RSF1: variants seen among roughly 807,000 people sequenced by gnomAD.
RSF1 encodes the protein HBV pX-associated protein 8.
RSF1 carries 13 observed loss-of-function variants against 145.2 expected under a neutral mutation model. That is an observed-to-expected ratio of 0.09 (90% CI 0.06 to 0.14). The LOEUF (loss-of-function observed/expected upper bound fraction) is 0.14. Among genes scored for constraint, RSF1 ranks in the 10% least tolerant of loss-of-function variants. The pLI is 1.00. For synonymous variants in RSF1, 577 were observed against 592.6 expected (o/e 0.97, Z 0.38); for missense variants, 1,517 against 1,718.2 (o/e 0.88, Z 2.07).
chr11:77,825,335 G>C (rs1350008046), upstream of RSF1, among the ~76,000 whole-genome samples: 1 of 151,882 alleles, frequency 6.6e-6, no homozygotes, highest in East Asian at 1.9e-4. Flanking sequence ...GAGGCAAACT[G>C]AATTCCATTT....
At chr11:77,809,884 T>C (rs931540580) in intron 1 of RSF1, among the ~76,000 whole-genome samples, 3 of 152,212 alleles carry the variant, frequency 2.0e-5, no homozygotes, top group African/African-American at 7.2e-5. Flanking sequence ...CATCTAAACA[T>C]TGAAGAAGTG....
chr11:77,725,491 A>T, intron 5 of RSF1, 54 bp downstream of exon 5: 1 of 1,326,182 alleles, frequency 7.5e-7, no homozygotes, highest in South Asian at 1.9e-5. Flanking sequence ...AGAGGAGTGG[A>T]AGAATATGGA....
At chr11:77,794,790 A>G (rs1341947079) in intron 1 of RSF1, among the ~76,000 whole-genome samples, 1 of 152,210 alleles carries the variant, frequency 6.6e-6, no homozygotes, top group Non-Finnish European at 1.5e-5. Flanking sequence ...GAACTGAAAC[A>G]AGAAAGACAA....
intron 1 of RSF1, among the ~76,000 whole-genome samples, chr11:77,768,838 G>A (rs747815077): frequency 6.6e-6 from 1 of 151,862 alleles, no homozygotes; most frequent in Non-Finnish European, 1.5e-5. Flanking sequence ...TCTTTAAAAC[G>A]GCACTGTCTA....
intron 1 of RSF1, among the ~76,000 whole-genome samples, chr11:77,790,008 T>C (rs986421908): frequency 6.6e-6 from 1 of 152,122 alleles, no homozygotes; most frequent in Non-Finnish European, 1.5e-5. Context: ...TACACACTGC[T>C]CAGGACTAAG....
chr11:77,790,147 G>A lies in RSF1; in HGVS notation c.188-25458C>T, dbSNP rs558406368. Among the ~76,000 whole-genome samples, 140 of 152,312 alleles carry A rather than the reference G, an allele frequency of 9.2e-4. 1 individual carries two copies. The highest frequency in any genetic ancestry group is 1.6e-3 in the Non-Finnish European group (110 of 68,026). On this transcript the variant is annotated intron_variant, in intron 1 of 15. Coordinates refer to ENST00000308488, the MANE Select transcript of RSF1 (RefSeq NM_016578.4). ...GCTGATAAAGACATACCTGAGACTG[G>A]ACAATTTACAAAAGAAAGGTTTATT...
chr11:77,677,976 G>C, intron 12 of RSF1, 110 bp downstream of exon 12: 2 of 751,054 alleles, frequency 2.7e-6, no homozygotes. Flanking sequence ...TACTAATCAT[G>C]ATACATAACG....
chr11:77,837,804 GC>G, the RSF1 span, among the ~76,000 whole-genome samples: 4 of 152,112 alleles, frequency 2.6e-5, no homozygotes, highest in Admixed American at 1.3e-4. Flanking sequence ...TGCCTATAAT[GC>G]AAGCACTTGG....
At chr11:77,796,677 A>G (rs1031592679) in intron 1 of RSF1, among the ~76,000 whole-genome samples, 1 of 152,164 alleles carries the variant, frequency 6.6e-6, no homozygotes, top group Admixed American at 6.5e-5. Flanking sequence ...GGCAACAGAA[A>G]GAAAGAAAGG....
chr11:77,831,088 T>C, the RSF1 span, among the ~76,000 whole-genome samples: 1 of 151,558 alleles, frequency 6.6e-6, no homozygotes, highest in African/African-American at 2.4e-5. Context: ...GAGGCTTCAG[T>C]GAGCTGTAAT....
intron 5 of RSF1, among the ~76,000 whole-genome samples, chr11:77,713,558 A>T (rs896083715): frequency 6.6e-6 from 1 of 152,234 alleles, no homozygotes; most frequent in Non-Finnish European, 1.5e-5. Flanking sequence ...CTACTTCAGG[A>T]AAGTGTTTTC....
chr11:77,701,224 G>C lies in RSF1; in HGVS notation c.2005C>G (p.Leu669Val), dbSNP rs1165596058. 6.2e-7 allele frequency: 1 copy of C among 1,614,038 alleles called. No homozygotes were observed. The highest frequency in any genetic ancestry group is 1.7e-5 in the Admixed American group (1 of 60,006). The change falls in exon 6 of 16, where the codon CTA (leucine) becomes GTA (valine). Residue 669 changes from leucine to valine, a missense_variant. Physicochemically the swap from Leu to Val is conservative, Grantham distance 32 (BLOSUM62 1). Transcript: ENST00000308488. ...TTTGTGAACTCAGAATCCTCTTTTA[G>C]GGTTTCTAGGTCTACTTTTTTCACA... The part of the protein sequence containing the change: ...QSVKKVDLET[L>V]KEDSEFTKVE...
chr11:77,753,521 A>T (rs1392297668), intron 2 of RSF1, among the ~76,000 whole-genome samples: 1 of 152,154 alleles, frequency 6.6e-6, no homozygotes, highest in African/African-American at 2.4e-5. Context: ...CGTGGCCCAC[A>T]ACAGGACGGT....
rs201123697 is a variant in RSF1, at chr11:77,683,834, T to C, written c.2956-15A>G. 5.4e-4 allele frequency: 854 copies of C among 1,575,142 alleles called. 2 individuals carry two copies. Among genetic ancestry groups the C allele is most frequent in the Middle Eastern group, 4.1e-3 (24 of 5,914 alleles). On this transcript the variant is annotated splice_polypyrimidine_tract_variant and intron_variant, in intron 10 of 15. Coordinates refer to ENST00000308488, the MANE Select transcript of RSF1 (RefSeq NM_016578.4). ...AAGTCTGGCTCCTTAAAAAATATGA[T>C]AATAAGCATAGAGGTTATTCCTTAT...
chr11:77,704,753 G>GT (rs72141127), intron 5 of RSF1, among the ~76,000 whole-genome samples: 6,322 of 134,444 alleles, frequency 0.047, 425 homozygotes, highest in African/African-American at 0.13. Flanking sequence ...GTTTGCCTTG[G>GT]TTTTTTTTTT....
chr11:77,742,386 T>A (rs1947951030), intron 3 of RSF1, among the ~76,000 whole-genome samples: 1 of 152,164 alleles, frequency 6.6e-6, no homozygotes, highest in Admixed American at 6.5e-5. Context: ...TTCAAGAGAT[T>A]CTCTTGCCTC....
At position 77,678,242 on chromosome 11, in the gene RSF1, GA is replaced by G. The variant is rs1959765556; in HGVS notation, c.3066-90del. 5 of 726,118 alleles carry G rather than the reference GA, an allele frequency of 6.9e-6. No individual in the cohort carries two copies. The Admixed American group carries it at 1.9e-4, about 28-fold the overall frequency. 45.0% of individuals were successfully genotyped at this position (726,118 alleles called of 1,614,324 possible). Reference sequence around the variant, plus strand: ...TTTTTATTTATTTATTTTTGAGACGGAGTCTCTCTTTGTTGCCAGGCTGGAG... The same window carrying G: ...TTTTTATTTATTTATTTTTGAGACGGGTCTCTCTTTGTTGCCAGGCTGGAG... On this transcript the variant is annotated intron_variant, in intron 11 of 15. Transcript: ENST00000308488.
intron 1 of RSF1, among the ~76,000 whole-genome samples, chr11:77,778,807 C>A (rs1948374505): frequency 6.6e-6 from 1 of 152,242 alleles, no homozygotes; most frequent in Non-Finnish European, 1.5e-5. Flanking sequence ...TTTATCTTCT[C>A]TCTCTGTCCT....
In RSF1 at chr11:77,701,840, C is replaced by G; in HGVS notation, c.1389G>C (p.Lys463Asn). ...PNFKTEPIET[K>N]FYETKEESYS... is the part of the protein sequence containing the mutation. ...AGCTCTCTTCCTTTGTCTCATAAAACTTTGTCTCTATTGGTTCTGTCTTAA... is the reference window on the plus strand; with the variant it reads ...AGCTCTCTTCCTTTGTCTCATAAAAGTTTGTCTCTATTGGTTCTGTCTTAA... Residue 463 changes from lysine (K) to asparagine (N), a missense_variant, in exon 6 of 16, where the codon AAG becomes AAC. Lys to Asn is a moderately conservative substitution (Grantham distance 94). Coordinates refer to ENST00000308488, the MANE Select transcript of RSF1 (RefSeq NM_016578.4). 1 of 1,614,080 alleles carries G rather than the reference C, an allele frequency of 6.2e-7. No homozygotes were observed. Among genetic ancestry groups the G allele is most frequent in the Non-Finnish European group, 8.5e-7 (1 of 1,179,998 alleles).
Sources: allele counts gnomAD v4.1 joint callset (sites outside exome capture counted in the v4.1 genomes callset), GRCh38; gene constraint gnomAD v4.1.1; transcripts MANE v1.5; gene names NCBI Gene and HGNC (gene_info 2026-07-23, HGNC 2026-07-21).